The following CLNK variants were observed in gnomAD, a reference collection of about 807,000 sequenced individuals.
CLNK encodes cytokine dependent hematopoietic cell linker.
A neutral mutation model predicts 68.6 loss-of-function variants in CLNK; 74 were observed. The observed-to-expected ratio is 1.08, with a 90% CI of 0.89 to 1.31. The LOEUF is 1.31. Among genes scored for constraint, CLNK ranks in the 50% most tolerant of loss-of-function variants. The probability of loss-of-function intolerance (pLI) is 0.00; values close to 1 mark genes in which losing one functional copy is unlikely to be tolerated. For synonymous variants in CLNK, 198 were observed against 172.2 expected, an observed-to-expected ratio of 1.15 and a Z score of -1.17; for missense variants, 553 against 515.3, an observed-to-expected ratio of 1.07 and a Z score of -0.71.
At chr4:10,519,564 C>T (rs538433182) in intron 15 of CLNK, among the ~76,000 whole-genome samples, 1 of 152,092 alleles carries the variant, frequency 6.6e-6, no homozygotes, top group Non-Finnish European at 1.5e-5. Flanking sequence ...TCTTTGGGCA[C>T]CTTTTAAATA....
chr4:10,658,959 T>A (rs1702956876), intron 2 of CLNK, among the ~76,000 whole-genome samples: 1 of 152,098 alleles, frequency 6.6e-6, no homozygotes, highest in African/African-American at 2.4e-5. Context: ...AAATTGCCAA[T>A]TTGGGAGGTG....
intron 8 of CLNK, among the ~76,000 whole-genome samples, chr4:10,547,991 G>C (rs1030652258): frequency 6.6e-6 from 1 of 151,958 alleles, no homozygotes; most frequent in Non-Finnish European, 1.5e-5. Context: ...TCAATTCTTT[G>C]GGTATATACT....
intron 2 of CLNK, among the ~76,000 whole-genome samples, chr4:10,621,259 G>T (rs1039996882): frequency 6.6e-6 from 1 of 152,188 alleles, no homozygotes. Context: ...GGAGAGGGCA[G>T]AATGGTAACA....
At chr4:10,666,459 C>A (rs1283412564) in intron 2 of CLNK, among the ~76,000 whole-genome samples, 1 of 152,176 alleles carries the variant, frequency 6.6e-6, no homozygotes, top group Non-Finnish European at 1.5e-5. Flanking sequence ...TGACATCAGC[C>A]CTGACTCCCT....
chr4:10,640,328 C>A (rs780163877), intron 2 of CLNK, among the ~76,000 whole-genome samples: 2 of 152,208 alleles, frequency 1.3e-5, no homozygotes, highest in East Asian at 1.9e-4. Flanking sequence ...GCACGCCCAA[C>A]TAACTTTTGT....
intron 1 of CLNK, among the ~76,000 whole-genome samples, chr4:10,678,056 C>T (rs1724945464): frequency 6.6e-6 from 1 of 152,060 alleles, no homozygotes; most frequent in Admixed American, 6.6e-5. Flanking sequence ...ATCATTTCAT[C>T]TGTAACTTCG....
intron 18 of CLNK, among the ~76,000 whole-genome samples, chr4:10,498,985 C>T (rs1166620552): frequency 1.3e-5 from 2 of 150,744 alleles, no homozygotes; most frequent in African/African-American, 2.4e-5. Context: ...CCCCCCAACC[C>T]TTGTCCTTTT....
At chr4:10,580,345 G>T (rs745750778) in intron 4 of CLNK, among the ~76,000 whole-genome samples, 2 of 152,144 alleles carry the variant, frequency 1.3e-5, no homozygotes, top group Non-Finnish European at 2.9e-5. Context: ...TATAACACTG[G>T]TTTGAGTGTT....
chr4:10,591,395 G>GCAA, intron 3 of CLNK, among the ~76,000 whole-genome samples: 1 of 152,304 alleles, frequency 6.6e-6, no homozygotes, highest in African/African-American at 2.4e-5. Flanking sequence ...AGAACAGAAT[G>GCAA]CAACTGGAAT....
Position 10,525,938 on chromosome 4 carries a change from A to G in CLNK, c.650-16T>C. 1.3e-6 allele frequency: 2 copies of G among 1,510,890 alleles called. No homozygotes were observed. Among genetic ancestry groups the G allele is most frequent in the Non-Finnish European group, 1.8e-6 (2 of 1,109,546 alleles). 93.6% of individuals were successfully genotyped at this position (1,510,890 alleles called of 1,614,324 possible). ...TTATGAGGAACTATATAAAACAGTGACATAATTTGGTCAGGTTGCAAAAGA... is the reference window on the plus strand; with the variant it reads ...TTATGAGGAACTATATAAAACAGTGGCATAATTTGGTCAGGTTGCAAAAGA... On this transcript the variant is annotated splice_polypyrimidine_tract_variant and intron_variant, in intron 13 of 18. Coordinates refer to ENST00000226951, the MANE Select transcript of CLNK (RefSeq NM_052964.4).
At chr4:10,554,003 C>G (rs1719565804) in intron 8 of CLNK, among the ~76,000 whole-genome samples, 1 of 152,152 alleles carries the variant, frequency 6.6e-6, no homozygotes, top group Admixed American at 6.5e-5. Flanking sequence ...GATGCTGTGC[C>G]TTAGTTACAA....
chr4:10,632,069 T>C (rs528623967), intron 2 of CLNK, among the ~76,000 whole-genome samples: 10 of 152,362 alleles, frequency 6.6e-5, no homozygotes, highest in Admixed American at 5.9e-4. Context: ...TCTAATTGGA[T>C]GACTGATAAG....
At chr4:10,519,211 C>T (rs1368629619) in intron 15 of CLNK, among the ~76,000 whole-genome samples, 1 of 152,196 alleles carries the variant, frequency 6.6e-6, no homozygotes, top group East Asian at 1.9e-4. Context: ...AACCCCAGTA[C>T]AGATGATCTA....
At chr4:10,723,641 G>A in the CLNK span, among the ~76,000 whole-genome samples, 1 of 151,908 alleles carries the variant, frequency 6.6e-6, no homozygotes, top group South Asian at 2.1e-4. Flanking sequence ...TTTGAGGCAG[G>A]GACTATTTCT....
chr4:10,698,177 G>A, the CLNK span, among the ~76,000 whole-genome samples: 1 of 152,180 alleles, frequency 6.6e-6, no homozygotes, highest in Non-Finnish European at 1.5e-5. Flanking sequence ...TAAATTGGAA[G>A]CCTCTGGTGG....
the CLNK span, among the ~76,000 whole-genome samples, chr4:10,692,764 T>G: frequency 2.8e-4 from 42 of 152,332 alleles, no homozygotes; most frequent in African/African-American, 9.1e-4. Flanking sequence ...AAAACCTCCG[T>G]GAGGCTTGGG....
At position 10,615,196 on chromosome 4, in the gene CLNK, G is replaced by C. The variant is rs929858629; in HGVS notation, c.12-17147C>G. Among the ~76,000 whole-genome samples, 6 of 151,806 alleles carry C rather than the reference G, an allele frequency of 4.0e-5. No homozygotes were observed. The East Asian group carries it at 1.2e-3, about 30-fold the overall frequency. ...GGTGAGACTCTTAAAAAACAAGAAA[G>C]AGGCTGGGCGCGGTGGCTTATGCCT... is the stretch of plus-strand genomic sequence containing the variant. On this transcript the variant is annotated intron_variant, in intron 2 of 18. Coordinates refer to ENST00000226951, the MANE Select transcript of CLNK (RefSeq NM_052964.4).
intron 1 of CLNK, among the ~76,000 whole-genome samples, chr4:10,670,489 G>T (rs1724584724): frequency 6.6e-6 from 1 of 152,204 alleles, no homozygotes; most frequent in Admixed American, 6.5e-5. Context: ...TACAGAGTAA[G>T]GGGACCACAG....
intron 18 of CLNK, among the ~76,000 whole-genome samples, chr4:10,499,773 C>T (rs1313632885): frequency 6.6e-6 from 1 of 152,138 alleles, no homozygotes; most frequent in African/African-American, 2.4e-5. Context: ...CTTTCTCCCA[C>T]GACCCCTCTC....
Sources: allele counts gnomAD v4.1 joint callset (sites outside exome capture counted in the v4.1 genomes callset), GRCh38; gene constraint gnomAD v4.1.1; transcripts MANE v1.5; gene names NCBI Gene and HGNC (gene_info 2026-07-23, HGNC 2026-07-21).